Variants in CDH18 observed in about 807,000 individuals in gnomAD.
The protein encoded by CDH18 is cadherin 18, also known as cadherin-18.
A neutral mutation model predicts 67.9 loss-of-function variants in CDH18; 31 were observed. That is an observed-to-expected ratio of 0.46 (90% CI 0.34 to 0.62). CDH18 has a LOEUF of 0.62. Among genes scored for constraint, CDH18 ranks in the 20% least tolerant of loss-of-function variants. The probability of loss-of-function intolerance (pLI) is 0.01; values close to 1 mark genes in which losing one functional copy is unlikely to be tolerated. For missense variants in CDH18, 890 were observed against 975.5 expected (o/e 0.91, Z 1.17); for synonymous variants, 362 against 347.2 (o/e 1.04, Z -0.48).
intron 6 of CDH18, among the ~76,000 whole-genome samples, chr5:19,592,159 T>C (rs962968623): frequency 2.0e-5 from 3 of 151,902 alleles, no homozygotes; most frequent in Non-Finnish European, 1.5e-5. Flanking sequence ...TAGAAAAGTA[T>C]ATGTACACAA....
chr5:20,442,389 TATATA>T (rs1430032477), intron 1 of CDH18, among the ~76,000 whole-genome samples: 4 of 152,102 alleles, frequency 2.6e-5, no homozygotes, highest in Admixed American at 6.5e-5. Flanking sequence ...TCAAATACCT[TATATA>T]ATATAAAATT....
chr5:20,076,797 AG>A (rs1209343489), intron 2 of CDH18, among the ~76,000 whole-genome samples: 5 of 152,198 alleles, frequency 3.3e-5, no homozygotes, highest in East Asian at 1.9e-4. Context: ...GTAGGATAAA[AG>A]TACTAAGGCT....
chr5:20,250,386 G>C (rs1178206145), intron 2 of CDH18, among the ~76,000 whole-genome samples: 9 of 151,124 alleles, frequency 6.0e-5, no homozygotes, highest in Admixed American at 3.3e-4. Context: ...TCCGCCTCCC[G>C]GATTCAATCG....
intron 5 of CDH18, among the ~76,000 whole-genome samples, chr5:19,709,097 C>T (rs1395113180): frequency 1.3e-5 from 2 of 152,140 alleles, no homozygotes; most frequent in East Asian, 3.9e-4. Context: ...CAATCACTTG[C>T]CATGGCAGTG....
At chr5:20,415,692 G>A (rs909006910) in intron 1 of CDH18, among the ~76,000 whole-genome samples, 3 of 152,096 alleles carry the variant, frequency 2.0e-5, no homozygotes, top group African/African-American at 7.2e-5. Flanking sequence ...AGAATGGCGT[G>A]AACTTGGGAG....
intron 2 of CDH18, among the ~76,000 whole-genome samples, chr5:20,132,359 C>G (rs1749338372): frequency 6.6e-6 from 1 of 151,968 alleles, no homozygotes; most frequent in South Asian, 2.1e-4. Context: ...ATACTGCATA[C>G]AGTTCCTATA....
chr5:19,508,056 G>GAAA (rs34220102), intron 10 of CDH18, among the ~76,000 whole-genome samples: 9 of 141,162 alleles, frequency 6.4e-5, no homozygotes, highest in African/African-American at 2.3e-4. Context: ...TCGTATTTCT[G>GAAA]AAAAAAAAAA....
rs556518313 is a variant in CDH18, at chr5:20,215,433, AAAAT to A, written c.-518+40007_-518+40010del. 3.0e-3 allele frequency among the ~76,000 whole-genome samples: 380 copies of A among 125,924 alleles called. 2 individuals carry two copies. The highest frequency in any genetic ancestry group is 7.2e-3 in the African/African-American group (211 of 29,426). The allele number at this position is 125,924 out of a possible 152,430, so 82.6% of individuals were successfully genotyped here. On this transcript the variant is annotated intron_variant, in intron 2 of 14. Coordinates refer to the CDH18 transcript ENST00000507958. ...TAATTTGTGAAGCTCTTCCATCCAAAAAATAAATAAATAAATAAATAAATAAATA... is the reference window on the plus strand; with the variant it reads ...TAATTTGTGAAGCTCTTCCATCCAAAAAATAAATAAATAAATAAATAAATA...
chr5:20,523,597 A>G (rs975872862), intron 1 of CDH18, among the ~76,000 whole-genome samples: 6 of 152,098 alleles, frequency 3.9e-5, no homozygotes, highest in Non-Finnish European at 1.5e-5. Flanking sequence ...CTGGAGTGCA[A>G]TGACGCGATC....
chr5:20,006,188 A>G (rs1178891831), intron 2 of CDH18, among the ~76,000 whole-genome samples: 1 of 151,930 alleles, frequency 6.6e-6, no homozygotes. Context: ...GAAATCAAAG[A>G]GAAATTTTTT....
In CDH18 at chr5:19,920,319, T is replaced by C. The variant is rs577845224; in HGVS notation, c.-257+60741A>G. On this transcript the variant is annotated intron_variant, in intron 2 of 12. Transcript: ENST00000382275. ...AATAACAGAAACAGATGTTAATTCA[T>C]TGGAAATAACATAGCAACAAGTAGG... Among the ~76,000 whole-genome samples, 138 of 152,210 alleles carry C rather than the reference T, an allele frequency of 9.1e-4. No individual in the cohort carries two copies. The Middle Eastern group carries it at 0.017, about 19-fold the overall frequency.
At chr5:20,214,292 C>T (rs916013240) in intron 2 of CDH18, among the ~76,000 whole-genome samples, 4 of 151,962 alleles carry the variant, frequency 2.6e-5, no homozygotes, top group African/African-American at 9.7e-5. Flanking sequence ...AGATTCAGTA[C>T]TGGTTTCTAT....
chr5:20,368,681 A>T (rs1407962970), intron 1 of CDH18, among the ~76,000 whole-genome samples: 1 of 152,158 alleles, frequency 6.6e-6, no homozygotes, highest in Non-Finnish European at 1.5e-5. Context: ...TCAAATCTGA[A>T]CATCTAACTT....
intron 3 of CDH18, among the ~76,000 whole-genome samples, chr5:19,817,759 A>AG (rs201305234): frequency 2.6e-5 from 4 of 152,116 alleles, no homozygotes; most frequent in African/African-American, 9.6e-5. Context: ...TGTATGATAT[A>AG]TTTTTTTGAG....
At chr5:19,650,441 A>G (rs949744943) in intron 5 of CDH18, among the ~76,000 whole-genome samples, 2 of 152,094 alleles carry the variant, frequency 1.3e-5, no homozygotes, top group African/African-American at 4.8e-5. Flanking sequence ...GTACAAATTG[A>G]TAGGGCTCAA....
At chr5:19,654,043 C>T (rs1039041176) in intron 5 of CDH18, among the ~76,000 whole-genome samples, 3 of 152,142 alleles carry the variant, frequency 2.0e-5, no homozygotes, top group African/African-American at 4.8e-5. Flanking sequence ...GTATAAATCT[C>T]ATACTTCTCA....
At chr5:20,380,631 A>G (rs1743835337) in intron 1 of CDH18, among the ~76,000 whole-genome samples, 1 of 152,140 alleles carries the variant, frequency 6.6e-6, no homozygotes, top group African/African-American at 2.4e-5. Context: ...GTTAGGTGAG[A>G]AGTTAAGGTA....
chr5:19,675,956 G>T (rs887708978), intron 5 of CDH18, among the ~76,000 whole-genome samples: 32 of 151,500 alleles, frequency 2.1e-4, no homozygotes, highest in Admixed American at 3.3e-4. Flanking sequence ...CTCCATTCGG[G>T]GTCCCTGACT....
In CDH18 at chr5:20,041,196, T is replaced by C. The variant is rs1458680432; in HGVS notation, c.-517-49182A>G. On this transcript the variant is annotated intron_variant, in intron 2 of 14. Transcript: ENST00000507958. ...ACTTTACGATGTTTCTCATGATATC[T>C]TGCATGTATAGTAGAATCATAACAC... Among the ~76,000 whole-genome samples the C allele has an allele frequency of 1.3e-5, 2 of 152,228 alleles. 1 individual carries two copies. The highest frequency in any genetic ancestry group is 2.9e-5 in the Non-Finnish European group (2 of 68,028).
Sources: allele counts gnomAD v4.1 joint callset (sites outside exome capture counted in the v4.1 genomes callset), GRCh38; gene constraint gnomAD v4.1.1; transcripts MANE v1.5; gene names NCBI Gene and HGNC (gene_info 2026-07-23, HGNC 2026-07-21).